PAXIP1: variants seen among roughly 807,000 people sequenced by gnomAD.
PAXIP1 encodes the protein PAX-interacting protein 1.
In PAXIP1, 19 loss-of-function variants were observed where a neutral mutation model predicts 140.6. The observed-to-expected ratio is 0.14, with a 90% CI of 0.09 to 0.20. The LOEUF is 0.20. Ranked by LOEUF, PAXIP1 falls within the 10% of genes least tolerant of loss-of-function variation. PAXIP1 has a pLI of 1.00. For missense variants in PAXIP1, 920 were observed against 1,208.6 expected (o/e 0.76, Z 3.54); for synonymous variants, 442 against 444.6 (o/e 0.99, Z 0.07).
intron 4 of PAXIP1, among the ~76,000 whole-genome samples, chr7:154,990,699 A>T (rs1330807969): frequency 6.6e-6 from 1 of 152,038 alleles, no homozygotes; most frequent in African/African-American, 2.4e-5. Context: ...TTATTAAGAA[A>T]ATTCTTTGCC....
intron 6 of PAXIP1, among the ~76,000 whole-genome samples, chr7:154,971,895 A>C (rs997292424): frequency 2.0e-5 from 3 of 152,218 alleles, no homozygotes; most frequent in African/African-American, 7.2e-5. Context: ...TAGAAGTAAA[A>C]CGTCCTTATG....
chr7:154,948,301 T>G (rs1410457948), intron 16 of PAXIP1: 1 of 297,256 alleles, frequency 3.4e-6, no homozygotes, highest in East Asian at 7.2e-5. Flanking sequence ...ATTCCAGCAC[T>G]TTGGGAAGCC....
In PAXIP1 at chr7:154,954,302, A is replaced by G. The variant is rs1407578841; in HGVS notation, c.2774T>C (p.Val925Ala). ...LTAISVVKHI[V>A]TPEWLEECFR... ...GCATTCTTCCAGCCACTCTGGCGTC[A>G]CTATGTGCTTCACGACAGAAATCGC... The change falls in exon 16 of 21, where the codon GTG becomes GCG. Residue 925 changes from valine (V) to alanine (A), a missense_variant. By Grantham distance (64) the Val-to-Ala change is moderately conservative. Coordinates refer to ENST00000404141, the MANE Select transcript of PAXIP1 (RefSeq NM_007349.4). This position sits in a 1 kb window ranked among gnomAD's most constrained non-coding sequence, Gnocchi z 5.1. 1 of 1,598,088 alleles carries G rather than the reference A, an allele frequency of 6.3e-7. No individual in the cohort carries two copies. The highest frequency in any genetic ancestry group is 1.3e-5 in the African/African-American group (1 of 74,676).
intron 4 of PAXIP1, among the ~76,000 whole-genome samples, chr7:154,988,616 T>C (rs1810184120): frequency 6.6e-6 from 1 of 152,204 alleles, no homozygotes; most frequent in Non-Finnish European, 1.5e-5. Context: ...ATTTTCTTAT[T>C]TATTTCACCA....
rs781128970 is a variant in PAXIP1, at chr7:154,944,132, C to T, written c.*17G>A. 79 of 1,612,054 alleles carry T rather than the reference C, an allele frequency of 4.9e-5. No homozygotes were observed. The highest frequency in any genetic ancestry group is 6.2e-5 in the Non-Finnish European group (73 of 1,178,980). ...CCCGCACCGCAGGAGTCGACATGCA[C>T]GGCAGCCTAGACGCCATCAGTTAAA... is the stretch of plus-strand genomic sequence containing the variant. On this transcript the variant is annotated 3_prime_UTR_variant, in exon 21 of 21. Coordinates refer to ENST00000404141, the MANE Select transcript of PAXIP1 (RefSeq NM_007349.4).
At chr7:154,961,316 A>C (rs1414206513) in intron 11 of PAXIP1, among the ~76,000 whole-genome samples, 17 of 152,226 alleles carry the variant, frequency 1.1e-4, no homozygotes, top group Admixed American at 1.1e-3. Flanking sequence ...TTGTTCATTC[A>C]AATTTCATTA....
chr7:154,945,493 T>C, intron 20 of PAXIP1: 1 of 984,364 alleles, frequency 1.0e-6, no homozygotes, highest in Non-Finnish European at 1.2e-6. Flanking sequence ...CAAGGATGGG[T>C]ATCATTCTGA....
upstream of PAXIP1, chr7:155,003,133 C>CGA (rs1345966060): frequency 6.6e-6 from 1 of 152,386 alleles, no homozygotes; most frequent in Non-Finnish European, 1.4e-5. Flanking sequence ...GCGCGGGAGC[C>CGA]GCGCGCGCCC....
chr7:154,945,977 A>G, intron 20 of PAXIP1: 1 of 985,136 alleles, frequency 1.0e-6, no homozygotes, highest in Non-Finnish European at 1.2e-6. Context: ...AAAGTTCCTG[A>G]GTACAAAGAC....
rs553268443 is a variant in PAXIP1 at position 154,963,115 on chromosome 7, G to T, written c.1989+556C>A. 1.3e-5 allele frequency among the ~76,000 whole-genome samples: 2 copies of T among 152,138 alleles called. No individual in the cohort carries two copies. Among genetic ancestry groups the T allele is most frequent in the Non-Finnish European group, 2.9e-5 (2 of 68,020 alleles). On this transcript the variant is annotated intron_variant, in intron 9 of 20. Transcript: ENST00000404141. This position sits in a 1 kb window ranked among gnomAD's most constrained non-coding sequence, Gnocchi z 4.1. ...GTCACACACCAGTACAGAATCCTGCGTCCCTTCACCGTGCACAGAGAGCAG... is the reference window on the plus strand; with the variant it reads ...GTCACACACCAGTACAGAATCCTGCTTCCCTTCACCGTGCACAGAGAGCAG...
At chr7:154,994,254 GATTA>G (rs1401741688) in intron 2 of PAXIP1, among the ~76,000 whole-genome samples, 1 of 152,060 alleles carries the variant, frequency 6.6e-6, no homozygotes, top group African/African-American at 2.4e-5. Context: ...TAAAAACTGA[GATTA>G]ATTATAAAAC....
intron 16 of PAXIP1, chr7:154,950,736 C>T (rs1335667852): frequency 1.3e-5 from 2 of 152,210 alleles, no homozygotes; most frequent in Non-Finnish European, 2.9e-5. Flanking sequence ...CTAAGATGTC[C>T]TTGTGTAGGT....
At chr7:154,988,191 CCT>C (rs1810162266) in intron 4 of PAXIP1, among the ~76,000 whole-genome samples, 1 of 152,168 alleles carries the variant, frequency 6.6e-6, no homozygotes. Flanking sequence ...TCTTATCTAG[CCT>C]CTGTGTACTC....
At position 155,002,946 on chromosome 7, in the gene PAXIP1, G is replaced by C. The variant is rs567497980; in HGVS notation, c.-17C>G. On this transcript the variant is annotated 5_prime_UTR_variant, in exon 1 of 21. Coordinates refer to ENST00000404141, the MANE Select transcript of PAXIP1 (RefSeq NM_007349.4). ...GTCCGACATGATCGCGGCGGCCCGG[G>C]AGGCTCCGCGGCGGCGCCCGGCCCC... 2 of 1,231,642 alleles carry C rather than the reference G, an allele frequency of 1.6e-6. No individual in the cohort carries two copies. The highest frequency in any genetic ancestry group is 2.6e-5 in the Admixed American group (1 of 38,828). 76.3% of individuals were successfully genotyped at this position (1,231,642 alleles called of 1,614,324 possible).
chr7:154,991,180 C>G (rs1346517339), intron 3 of PAXIP1, 111 bp from the exon 4 acceptor site: 2 of 578,060 alleles, frequency 3.5e-6, no homozygotes, highest in African/African-American at 2.0e-5. Flanking sequence ...AAGAAAGAGA[C>G]AGACTTAAGA....
At chr7:154,957,683 C>T (rs1014596244) in intron 13 of PAXIP1, among the ~76,000 whole-genome samples, 4 of 152,294 alleles carry the variant, frequency 2.6e-5, no homozygotes, top group Admixed American at 2.6e-4. Context: ...ATGTGGAAAA[C>T]ATGGCCGGGC....
At position 154,947,813 on chromosome 7, in the gene PAXIP1, G is replaced by A. The variant is rs28596779; in HGVS notation, c.2922+90C>T. ...GGGTGAGCCCAGCTCCCCTGGAGGC[G>A]CACTTCCCACCAAATCACCTGGTAG... On this transcript the variant is annotated intron_variant, in intron 17 of 20. Transcript: ENST00000404141. The A allele has an allele frequency of 3.9e-4, 361 of 928,968 alleles. 1 individual carries two copies. Among genetic ancestry groups the A allele is most frequent in the African/African-American group, 3.2e-3 (200 of 61,868 alleles). The allele number at this position is 928,968 out of a possible 1,614,324, so 57.5% of individuals were successfully genotyped here.
chr7:154,944,982 CTT>C (rs11344042), intron 20 of PAXIP1: 32,625 of 128,920 alleles, frequency 0.25, 4,100 homozygotes, highest in East Asian at 0.42. Context: ...AATTTTACTT[CTT>C]TTTTTTTTTT....
In PAXIP1 at chr7:154,943,958, C is replaced by T. The variant is rs1807806201; in HGVS notation, c.*191G>A. The T allele has an allele frequency of 3.2e-6, 2 of 631,144 alleles. No homozygotes were observed. The highest frequency in any genetic ancestry group is 3.5e-5 in the South Asian group (2 of 57,592). The allele number at this position is 631,144 out of a possible 1,614,324, so 39.1% of individuals were successfully genotyped here. A position where few individuals can be genotyped will look rare whatever the true frequency, so the allele number is the denominator to read the frequency against. On this transcript the variant is annotated 3_prime_UTR_variant, in exon 21 of 21. Coordinates refer to ENST00000404141, the MANE Select transcript of PAXIP1 (RefSeq NM_007349.4). Reference sequence around the variant, plus strand: ...ATAATACAAAACATAATTTATGTTTCCTCAGAATAAAATTGCACATCTTAA... The same window carrying T: ...ATAATACAAAACATAATTTATGTTTTCTCAGAATAAAATTGCACATCTTAA...
Sources: allele counts gnomAD v4.1 joint callset (sites outside exome capture counted in the v4.1 genomes callset), GRCh38; gene constraint gnomAD v4.1.1; non-coding constraint Gnocchi (gnomAD v3.1); transcripts MANE v1.5; gene names NCBI Gene and HGNC (gene_info 2026-07-23, HGNC 2026-07-21).